Variants in CALD1 observed in about 807,000 individuals in gnomAD.
CALD1 encodes the protein caldesmon 1.
A neutral mutation model predicts 99.9 loss-of-function variants in CALD1; 33 were observed. The ratio of observed to expected loss-of-function variants is 0.33; its 90% CI spans 0.25 to 0.44. CALD1 has a LOEUF of 0.44. Ranked by LOEUF, CALD1 falls within the 20% of genes least tolerant of loss-of-function variation. The probability of loss-of-function intolerance (pLI) is 1.00; values close to 1 mark genes in which losing one functional copy is unlikely to be tolerated. For missense variants in CALD1, 861 were observed against 962.1 expected, an observed-to-expected ratio of 0.89 and a Z score of 1.39; for synonymous variants, 310 against 325.0, an observed-to-expected ratio of 0.95 and a Z score of 0.50.
rs1286531324 is a variant in CALD1, at chr7:134,947,716, G to A, written c.1741G>A (p.Glu581Lys). The A allele has an allele frequency of 1.2e-6, 2 of 1,613,470 alleles. No homozygotes were observed. The change falls in exon 8 of 15, where the codon GAG (glutamate) becomes AAG (lysine). Residue 581 changes from glutamate to lysine, a missense_variant. This residue lies in a region of CALD1 where 293 missense variants were observed against 262.7 expected (regional missense o/e 1.12). Coordinates refer to ENST00000361675, the MANE Select transcript of CALD1 (RefSeq NM_033138.4). ...GGAGGAGAGAAGGAAGGTCCTGGAGGAGGAAGAGCAGAGGAGGAAGCAGGA... is the reference window on the plus strand; with the variant it reads ...GGAGGAGAGAAGGAAGGTCCTGGAGAAGGAAGAGCAGAGGAGGAAGCAGGA... ...KREERRKVLEEEEQRRKQEEA... is the reference protein window; with the variant it reads ...KREERRKVLEKEEQRRKQEEA...
At position 134,810,769 on chromosome 7, in the gene CALD1, C is replaced by T. The variant is rs368046940; in HGVS notation, c.-130+31020C>T. Among the ~76,000 whole-genome samples, 4 of 152,140 alleles carry T rather than the reference C, an allele frequency of 2.6e-5. No individual in the cohort carries two copies. In the East Asian group the frequency reaches 5.8e-4, roughly 22 times the overall value. ...TGCATTCTCAGTCTGAGAATGCCTC[C>T]CATCCTCTTTTAGCTGACGATGCAG... On this transcript the variant is annotated intron_variant, in intron 1 of 14. Coordinates refer to ENST00000361675, the MANE Select transcript of CALD1 (RefSeq NM_033138.4).
chr7:134,805,612 A>G (rs1798106226), intron 1 of CALD1, among the ~76,000 whole-genome samples: 1 of 152,070 alleles, frequency 6.6e-6, no homozygotes, highest in African/African-American at 2.4e-5. Context: ...AATCCTGGTG[A>G]TCCTTGGCTG....
At chr7:134,749,617 A>G (rs866930678) in intron 1 of CALD1, among the ~76,000 whole-genome samples, 5 of 152,312 alleles carry the variant, frequency 3.3e-5, no homozygotes, top group Middle Eastern at 6.8e-3. Flanking sequence ...AAGCAAGGCC[A>G]GAAGAGTGAG....
intron 9 of CALD1, among the ~76,000 whole-genome samples, chr7:134,957,291 T>C (rs1807848631): frequency 6.6e-6 from 1 of 152,214 alleles, no homozygotes; most frequent in African/African-American, 2.4e-5. Flanking sequence ...TCCTGTTACA[T>C]ACCAAATACA....
chr7:134,954,346 A>T (rs1227230881), intron 9 of CALD1, among the ~76,000 whole-genome samples: 2 of 152,208 alleles, frequency 1.3e-5, no homozygotes, highest in African/African-American at 4.8e-5. Context: ...CCAATTTTCT[A>T]AAACGAATGG....
chr7:134,798,240 T>A (rs1226249532), intron 1 of CALD1, among the ~76,000 whole-genome samples: 1 of 152,246 alleles, frequency 6.6e-6, no homozygotes, highest in Admixed American at 6.5e-5. Flanking sequence ...ATATGCTTAC[T>A]GGACTGACAA....
At chr7:134,944,568 T>C (rs757758189) in intron 7 of CALD1, 3 of 151,988 alleles carry the variant, frequency 2.0e-5, no homozygotes, top group Non-Finnish European at 4.4e-5. Flanking sequence ...GCACAGTGTA[T>C]TTCTTGAGCC....
intron 1 of CALD1, among the ~76,000 whole-genome samples, chr7:134,840,797 T>TA (rs1324077455): frequency 1.3e-5 from 2 of 152,270 alleles, no homozygotes; most frequent in Non-Finnish European, 2.9e-5. Context: ...GTGGGGATAA[T>TA]AAAAAACAAC....
intron 1 of CALD1, among the ~76,000 whole-genome samples, chr7:134,832,113 T>TA (rs1265296831): frequency 1.3e-5 from 2 of 152,186 alleles, no homozygotes; most frequent in African/African-American, 2.4e-5. Context: ...TTTAGGGAGT[T>TA]ATACACATGC....
intron 3 of CALD1, among the ~76,000 whole-genome samples, chr7:134,915,870 C>T (rs1002058440): frequency 2.0e-5 from 3 of 152,198 alleles, no homozygotes; most frequent in Non-Finnish European, 4.4e-5. Flanking sequence ...TCTCCCTCCA[C>T]ATTGAGCAGG....
intron 2 of CALD1, among the ~76,000 whole-genome samples, chr7:134,856,397 G>A (rs376426879): frequency 1.3e-5 from 2 of 152,168 alleles, no homozygotes; most frequent in African/African-American, 4.8e-5. Flanking sequence ...GCCTGGGAAG[G>A]GTAGGTTCCC....
At chr7:134,790,082 G>GGAGAGAGA (rs56962467) in intron 1 of CALD1, among the ~76,000 whole-genome samples, 13 of 142,312 alleles carry the variant, frequency 9.1e-5, no homozygotes, top group East Asian at 8.4e-4. Context: ...AAAGAAATAA[G>GGAGAGAGA]GAGAGAGAGA....
intron 6 of CALD1, among the ~76,000 whole-genome samples, chr7:134,936,572 T>TG (rs1805996857): frequency 6.6e-6 from 1 of 152,218 alleles, no homozygotes. Context: ...ACTGGTGAAG[T>TG]GATTTGTAGC....
intron 6 of CALD1, among the ~76,000 whole-genome samples, chr7:134,937,187 G>C (rs1806044832): frequency 6.6e-6 from 1 of 152,162 alleles, no homozygotes; most frequent in Middle Eastern, 3.2e-3. Flanking sequence ...TCACTAATTT[G>C]TTTTTACTGA....
At chr7:134,962,462 C>G (rs1808350730) in intron 13 of CALD1, 1 of 179,800 alleles carries the variant, frequency 5.6e-6, no homozygotes, top group Admixed American at 5.6e-5. Flanking sequence ...TAGATCACCC[C>G]CTAGAGGGTG....
chr7:134,748,582 G>A (rs888446089), intron 1 of CALD1, among the ~76,000 whole-genome samples: 1 of 152,066 alleles, frequency 6.6e-6, no homozygotes, highest in Non-Finnish European at 1.5e-5. Context: ...GTGGTGGCAG[G>A]CACCTGTAAT....
chr7:134,903,233 A>C (rs34749226), intron 3 of CALD1, among the ~76,000 whole-genome samples: 2,637 of 152,184 alleles, frequency 0.017, 37 homozygotes, highest in Non-Finnish European at 0.029. Flanking sequence ...ATGACACTAC[A>C]TTTGTCCAAG....
intron 2 of CALD1, among the ~76,000 whole-genome samples, chr7:134,863,817 G>A (rs1800670483): frequency 6.6e-6 from 1 of 151,970 alleles, no homozygotes; most frequent in Admixed American, 6.6e-5. Context: ...TTTCATTTCC[G>A]ACACAGGGTG....
At chr7:134,934,190 T>A in intron 5 of CALD1, 113 bp downstream of exon 5, 1 of 1,468,972 alleles carries the variant, frequency 6.8e-7, no homozygotes, top group Non-Finnish European at 9.2e-7. Flanking sequence ...CTTGATCATT[T>A]GGCAAGCTGT....
Sources: allele counts gnomAD v4.1 joint callset (sites outside exome capture counted in the v4.1 genomes callset), GRCh38; gene constraint gnomAD v4.1.1; regional missense constraint gnomAD v4.1.1; transcripts MANE v1.5; gene names NCBI Gene and HGNC (gene_info 2026-07-23, HGNC 2026-07-21).